The following FSIP2 variants were observed in gnomAD, a reference collection of about 807,000 sequenced individuals.
FSIP2 encodes fibrous sheath-interacting protein 2.
Under a neutral mutation model 510.5 loss-of-function variants are expected in FSIP2, and 367 were observed. The ratio of observed to expected loss-of-function variants is 0.72; its 90% CI spans 0.66 to 0.78. The LOEUF (loss-of-function observed/expected upper bound fraction) is 0.78, where lower values mean the gene tolerates loss of function less well. Ranked by LOEUF, FSIP2 falls within the 30% of genes least tolerant of loss-of-function variation. The probability of loss-of-function intolerance (pLI) is 0.00; values close to 1 mark genes in which losing one functional copy is unlikely to be tolerated. For synonymous variants in FSIP2, 2,601 were observed against 2,732.2 expected (o/e 0.95, Z 1.50); for missense variants, 7,594 against 7,901.7 (o/e 0.96, Z 1.48).
intron 13 of FSIP2, among the ~76,000 whole-genome samples, chr2:185,767,877 C>A: frequency 6.6e-6 from 1 of 152,022 alleles, no homozygotes; most frequent in Non-Finnish European, 1.5e-5. Context: ...GATTTCATTT[C>A]CTTTGGATAT....
In FSIP2 at chr2:185,806,432, C is replaced by A; in HGVS notation, c.17126C>A (p.Pro5709His). The change falls in exon 17 of 23, where the codon CCC becomes CAC. Residue 5709 changes from proline to histidine, a missense_variant. Physicochemically the swap from Pro to His is moderately conservative, Grantham distance 77. Transcript: ENST00000424728. ...YYSKLSYDQS[P>H]PGDNVLNVIQ... ...TCGAAACTCAGTTATGACCAAAGCCCCCCAGGTGATAATGTATTAAATGTA... is the reference window on the plus strand; with the variant it reads ...TCGAAACTCAGTTATGACCAAAGCCACCCAGGTGATAATGTATTAAATGTA... The A allele has an allele frequency of 6.2e-7, 1 of 1,611,976 alleles. No homozygotes were observed. Among genetic ancestry groups the A allele is most frequent in the Non-Finnish European group, 8.5e-7 (1 of 1,178,664 alleles).
chr2:185,818,534 T>G (rs1374491547), intron 19 of FSIP2, among the ~76,000 whole-genome samples: 2 of 151,896 alleles, frequency 1.3e-5, no homozygotes, highest in Non-Finnish European at 2.9e-5. Flanking sequence ...ATAATCAAAC[T>G]GTCAGAAGAC....
At chr2:185,825,573 T>C (rs1693999939) in intron 20 of FSIP2, among the ~76,000 whole-genome samples, 1 of 151,822 alleles carries the variant, frequency 6.6e-6, no homozygotes, top group African/African-American at 2.4e-5. Flanking sequence ...CCTGTGACTC[T>C]ACATAAAAAC....
At position 185,764,519 on chromosome 2, in the gene FSIP2, T is replaced by C. The variant is rs924087764; in HGVS notation, c.1365T>C (p.Asp455=). Residue 455 remains aspartate, a synonymous_variant, in exon 13 of 23, where the codon GAT becomes GAC. Transcript: ENST00000424728. ...PSKEEKETNA[D]WDGRPTKRSS... ...TTATGTAGAAGGAGACAAATGCTGA[T>C]TGGGATGGAAGACCAACCAAGAGAT... 6.5e-7 allele frequency: 1 copy of C among 1,531,406 alleles called. No homozygotes were observed. Among genetic ancestry groups the C allele is most frequent in the African/African-American group, 1.4e-5 (1 of 72,800 alleles). The allele number at this position is 1,531,406 out of a possible 1,614,324, so 94.9% of individuals were successfully genotyped here. A position where few individuals can be genotyped will look rare whatever the true frequency, so the allele number is the denominator to read the frequency against.
chr2:185,746,410 T>C (rs1317013526), intron 5 of FSIP2, among the ~76,000 whole-genome samples: 5 of 152,140 alleles, frequency 3.3e-5, no homozygotes, highest in African/African-American at 1.2e-4. Context: ...GTAACTTTGC[T>C]CTGCTTTTTA....
intron 13 of FSIP2, among the ~76,000 whole-genome samples, chr2:185,776,262 T>A (rs1188148156): frequency 6.6e-6 from 1 of 152,050 alleles, no homozygotes; most frequent in Non-Finnish European, 1.5e-5. Flanking sequence ...AAAGTGAGAC[T>A]CCATCTCAAA....
At chr2:185,760,918 TTTGA>T (rs71411142) in intron 9 of FSIP2, 66 bp from the exon 10 acceptor site, 181,154 of 535,236 alleles carry the variant, frequency 0.34, 31,480 homozygotes, top group Admixed American at 0.39. Context: ...TTTATTGTAC[TTTGA>T]TTGTACTTTC....
At chr2:185,816,340 G>T (rs936077641) in intron 19 of FSIP2, among the ~76,000 whole-genome samples, 1 of 151,014 alleles carries the variant, frequency 6.6e-6, no homozygotes, top group Admixed American at 6.6e-5. Flanking sequence ...TAGTAATGTT[G>T]GAACCTCTTT....
Position 185,831,854 on chromosome 2 carries a change from T to G in FSIP2, c.20559T>G (p.Ser6853Arg), listed in dbSNP as rs764573777. 1.2e-6 allele frequency: 2 copies of G among 1,608,346 alleles called. No individual in the cohort carries two copies. Among genetic ancestry groups the G allele is most frequent in the South Asian group, 1.1e-5 (1 of 90,920 alleles). Residue 6853 changes from serine to arginine, a missense_variant, in exon 22 of 23, where the codon AGT becomes AGG. Ser to Arg is a moderately radical substitution (Grantham distance 110, BLOSUM62 -1). Coordinates refer to ENST00000424728, the MANE Select transcript of FSIP2 (RefSeq NM_173651.4). ...AAAGATCCAAGGATGTTCTTGGCAG[T>G]GCAAATCCCTCAAAGGAAGTCATTT... is the stretch of plus-strand genomic sequence containing the variant. The part of the protein sequence containing the change: ...IFERSKDVLG[S>R]ANPSKEVISE...
At chr2:185,781,382 G>T (rs1692845874) in intron 13 of FSIP2, among the ~76,000 whole-genome samples, 1 of 152,142 alleles carries the variant, frequency 6.6e-6, no homozygotes, top group South Asian at 2.1e-4. Context: ...AAGCTATTAT[G>T]TTCAGCAGGT....
Position 185,791,275 on chromosome 2 carries a change from C to G in FSIP2, c.4139C>G (p.Ser1380Cys), listed in dbSNP as rs1285319820. Residue 1380 changes from serine to cysteine, a missense_variant, in exon 16 of 23, where the codon TCT becomes TGT. Physicochemically the swap from Ser to Cys is moderately radical, Grantham distance 112. Transcript: ENST00000424728. ...CATCAAAGAAGCATTTCACTCTCTT[C>G]TCGTAAGCCAAAGTCTGCAACTGAC... The part of the protein sequence containing the change: ...NAHQRSISLS[S>C]RKPKSATDSV... 1 of 1,533,978 alleles carries G rather than the reference C, an allele frequency of 6.5e-7. No individual in the cohort carries two copies. The highest frequency in any genetic ancestry group is 8.7e-7 in the Non-Finnish European group (1 of 1,145,546).
In FSIP2 at chr2:185,799,885, G is replaced by C. The variant is rs761376850; in HGVS notation, c.10579G>C (p.Ala3527Pro). 6.5e-7 allele frequency: 1 copy of C among 1,533,700 alleles called. No individual in the cohort carries two copies. The highest frequency in any genetic ancestry group is 1.2e-5 in the South Asian group (1 of 83,870). Residue 3527 changes from alanine to proline, a missense_variant, in exon 17 of 23, where the codon GCA becomes CCA. Ala to Pro is a conservative substitution (Grantham distance 27). Coordinates refer to ENST00000424728, the MANE Select transcript of FSIP2 (RefSeq NM_173651.4). ...CAAAAAGGGTAGAGAAAAAGAGAAA[G>C]CATGGGAAATTCAAGAAGCAACATT... ...GTKKGREKEKAWEIQEATFSK... is the reference protein window; with the variant it reads ...GTKKGREKEKPWEIQEATFSK...
In FSIP2 at chr2:185,793,326, A is replaced by T. The variant is rs1028279189; in HGVS notation, c.6190A>T (p.Ile2064Phe). The T allele has an allele frequency of 6.5e-7, 1 of 1,534,174 alleles. No homozygotes were observed. The highest frequency in any genetic ancestry group is 8.7e-7 in the Non-Finnish European group (1 of 1,145,652). The change falls in exon 16 of 23, where the codon ATC becomes TTC. Residue 2064 changes from isoleucine (I) to phenylalanine (F), a missense_variant. Coordinates refer to ENST00000424728, the MANE Select transcript of FSIP2 (RefSeq NM_173651.4). Reference sequence around the variant, plus strand: ...TGACAAAAACAGTTCTGACAAAGAGATCGATTTAGATCAGCAAAAAGGTGT... The same window carrying T: ...TGACAAAAACAGTTCTGACAAAGAGTTCGATTTAGATCAGCAAAAAGGTGT... ...KCDKNSSDKE[I>F]DLDQQKGVIE...
In FSIP2 at chr2:185,797,130, A is replaced by C. The variant is rs550279739; in HGVS notation, c.9994A>C (p.Asn3332His). ...SPLKICLAAE[N>H]IVNTVLSSCG... ...TCTCAAAATATGTTTAGCTGCAGAAAATATTGTCAATACTGTGCTATCCAG... is the reference window on the plus strand; with the variant it reads ...TCTCAAAATATGTTTAGCTGCAGAACATATTGTCAATACTGTGCTATCCAG... The change falls in exon 16 of 23, where the codon AAT becomes CAT. Residue 3332 changes from asparagine (N) to histidine (H), a missense_variant. By Grantham distance (68) the Asn-to-His change is moderately conservative. Transcript: ENST00000424728. The C allele has an allele frequency of 6.5e-7, 1 of 1,535,004 alleles. No homozygotes were observed. The highest frequency in any genetic ancestry group is 1.4e-5 in the African/African-American group (1 of 73,044).
Position 185,794,127 on chromosome 2 carries a change from G to A in FSIP2, c.6991G>A (p.Val2331Ile), listed in dbSNP as rs1000869281. Residue 2331 changes from valine to isoleucine, a missense_variant, in exon 16 of 23, where the codon GTT becomes ATT. By Grantham distance (29) the Val-to-Ile change is conservative (BLOSUM62 3). Transcript: ENST00000424728. ...CCAAGAGCTTACAGATTTCACTTTT[G>A]TTGGTCGCAGAGAAAAACTTGGATC... ...LSQELTDFTF[V>I]GRREKLGSTI... The A allele has an allele frequency of 1.4e-5, 21 of 1,531,894 alleles. No individual in the cohort carries two copies. The African/African-American group carries it at 2.6e-4, about 19-fold the overall frequency. 94.9% of individuals were successfully genotyped at this position (1,531,894 alleles called of 1,614,324 possible).
intron 13 of FSIP2, among the ~76,000 whole-genome samples, chr2:185,772,607 C>G (rs929961586): frequency 7.9e-5 from 12 of 152,164 alleles, no homozygotes; most frequent in Admixed American, 6.5e-4. Context: ...AGGAGGGCAC[C>G]AAGTCATCCA....
Position 185,803,561 on chromosome 2 carries a change from CT to C in FSIP2, c.14259del (p.Phe4753LeufsTer12). 6.5e-7 allele frequency: 1 copy of C among 1,532,760 alleles called. No individual in the cohort carries two copies. Among genetic ancestry groups the C allele is most frequent in the Non-Finnish European group, 8.7e-7 (1 of 1,144,722 alleles). The allele number at this position is 1,532,760 out of a possible 1,614,324, so 94.9% of individuals were successfully genotyped here. ...QIHPDLIANL[P>X]FKSHSKLSAN... is the part of the protein sequence containing the mutation. ...CATCCAGATCTTATAGCAAATCTGC[CT>C]TTTAAATCACATTCCAAACTCAGTG... On this transcript the variant is annotated frameshift_variant, in exon 17 of 23. Transcript: ENST00000424728. LOFTEE classifies it high-confidence loss of function.
At chr2:185,750,354 G>A (rs111474164) in intron 7 of FSIP2, among the ~76,000 whole-genome samples, 30 of 151,658 alleles carry the variant, frequency 2.0e-4, no homozygotes, top group African/African-American at 7.2e-4. Context: ...TTTTGATAGT[G>A]TATTCTAGGA....
chr2:185,758,752 T>C (rs1340473589), intron 9 of FSIP2, among the ~76,000 whole-genome samples: 3 of 151,206 alleles, frequency 2.0e-5, no homozygotes, highest in African/African-American at 7.3e-5. Flanking sequence ...TTTGGCAACT[T>C]TGAAAATATA....
Sources: gnomAD v4.1 joint callset for allele counts (sites outside exome capture counted in the v4.1 genomes callset) on GRCh38, gnomAD v4.1.1 for gene constraint, MANE v1.5 for transcripts, NCBI Gene and HGNC (gene_info 2026-07-23, HGNC 2026-07-21) for gene names.